Variants in PPL observed in about 807,000 individuals in gnomAD.
The protein encoded by PPL is periplakin.
PPL carries 198 observed loss-of-function variants against 194.4 expected under a neutral mutation model. The ratio of observed to expected loss-of-function variants is 1.02; its 90% CI spans 0.91 to 1.15. The LOEUF (loss-of-function observed/expected upper bound fraction) is 1.15, where lower values mean the gene tolerates loss of function less well. Ranked by LOEUF, PPL falls within the 50% of genes most tolerant of loss-of-function variation. The pLI, the probability that PPL is intolerant of heterozygous loss-of-function variation, is 0.00. For missense variants in PPL, 2,885 were observed against 2,294.8 expected (o/e 1.26, Z -5.25); for synonymous variants, 1,220 against 972.4 (o/e 1.25, Z -4.74).
chr16:4,929,879 G>A (rs910492120), intron 1 of PPL, among the ~76,000 whole-genome samples: 4 of 151,502 alleles, frequency 2.6e-5, no homozygotes, highest in African/African-American at 9.7e-5. Flanking sequence ...GTAGAAATAG[G>A]GTCTCACTAT....
chr16:4,900,196 A>G (rs1031489626), intron 6 of PPL, among the ~76,000 whole-genome samples: 2 of 152,200 alleles, frequency 1.3e-5, no homozygotes, highest in African/African-American at 2.4e-5. Context: ...AATTTTTAAA[A>G]GAATGCATTC....
rs547207792 is a variant in PPL, at chr16:4,893,234, G to A, written c.1629C>T (p.Ala543=). The change falls in exon 14 of 22, where the codon GCC becomes GCT. Residue 543 remains alanine, a synonymous_variant. Transcript: ENST00000345988. ...GTACCTTGAGGTCCTTGGCCCGCTC[G>A]GCACTGTCCTGCACAGCCCGGCCTT... ...LEQGRAVQDS[A]ERAKDLKNIT... 1.8e-5 allele frequency: 29 copies of A among 1,581,816 alleles called. No individual in the cohort carries two copies. The highest frequency in any genetic ancestry group is 1.6e-4 in the East Asian group (7 of 43,762).
Position 4,892,109 on chromosome 16 carries a change from C to T in PPL, c.1755G>A (p.Leu585=). 5 of 1,613,804 alleles carry T rather than the reference C, an allele frequency of 3.1e-6. No individual in the cohort carries two copies. The highest frequency in any genetic ancestry group is 4.2e-6 in the Non-Finnish European group (5 of 1,180,026). ...TGGTGTCCTCCACCCGGGTCCTCAG[C>T]AGGGGTGTGGTGCCACTGCCTGGGA... ...QALPGSGTTP[L]LRTRVEDTNR... is the part of the protein sequence containing the mutation. The change falls in exon 15 of 22, where the codon CTG becomes CTA. Residue 585 remains leucine, a synonymous_variant. Transcript: ENST00000345988.
Position 4,883,686 on chromosome 16 carries a change from A to C in PPL, c.4969T>G (p.Ser1657Ala). ...REQRENHLRR[S>A]IVVIHPDTGR... ...GTGTCAGGGTGGATGACTACGATGGAGCGCCGCAGGTGGTTCTCCCGCTGC... is the reference window on the plus strand; with the variant it reads ...GTGTCAGGGTGGATGACTACGATGGCGCGCCGCAGGTGGTTCTCCCGCTGC... The change falls in exon 22 of 22, where the codon TCC (serine) becomes GCC (alanine). Residue 1657 changes from serine to alanine, a missense_variant. By Grantham distance (99) the Ser-to-Ala change is moderately conservative (BLOSUM62 1). Coordinates refer to ENST00000345988, the MANE Select transcript of PPL (RefSeq NM_002705.5). The surrounding 1 kb of genome is among the most constrained non-coding windows in gnomAD (Gnocchi z 4.8). 6.2e-7 allele frequency: 1 copy of C among 1,613,964 alleles called. No homozygotes were observed. The highest frequency in any genetic ancestry group is 1.3e-5 in the African/African-American group (1 of 75,004).
In PPL at chr16:4,890,710, C is replaced by A. The variant is rs199649540; in HGVS notation, c.2162+18G>T. ...ATTCTCAGAAAACAAAAATGGCCACCACCCACCGCACCCTCACCTGCGTTC... is the reference window on the plus strand; with the variant it reads ...ATTCTCAGAAAACAAAAATGGCCACAACCCACCGCACCCTCACCTGCGTTC... On this transcript the variant is annotated intron_variant, in intron 17 of 21. Transcript: ENST00000345988. 8.2e-6 allele frequency: 13 copies of A among 1,586,990 alleles called. No homozygotes were observed. In the East Asian group the frequency reaches 2.9e-4, roughly 36 times the overall value.
chr16:4,927,290 G>A (rs943946482), intron 1 of PPL, among the ~76,000 whole-genome samples: 6 of 152,198 alleles, frequency 3.9e-5, no homozygotes, highest in Admixed American at 2.0e-4. Flanking sequence ...AAGAGAGAAA[G>A]CACTGTCCAT....
chr16:4,890,350 G>A lies in PPL; in HGVS notation c.2163-16C>T, dbSNP rs372408121. 3.0e-5 allele frequency: 48 copies of A among 1,595,178 alleles called. No individual in the cohort carries two copies. Among genetic ancestry groups the A allele is most frequent in the East Asian group, 2.9e-4 (13 of 44,632 alleles). ...GCTCTGCGCCCTGTCAAGGCAAAGCGTTCAGGCCTCAGCCACAGCAAACAG... is the reference window on the plus strand; with the variant it reads ...GCTCTGCGCCCTGTCAAGGCAAAGCATTCAGGCCTCAGCCACAGCAAACAG... On this transcript the variant is annotated splice_polypyrimidine_tract_variant and intron_variant, in intron 17 of 21. Coordinates refer to ENST00000345988, the MANE Select transcript of PPL (RefSeq NM_002705.5).
At chr16:4,918,839 T>C (rs1412445234) in intron 1 of PPL, among the ~76,000 whole-genome samples, 1 of 151,960 alleles carries the variant, frequency 6.6e-6, no homozygotes, top group East Asian at 1.9e-4. Context: ...AGCAGGAATG[T>C]GGGTGGGGCA....
chr16:4,884,987 C>T lies in PPL; in HGVS notation c.3668G>A (p.Gly1223Asp), dbSNP rs1196188716. Residue 1223 changes from glycine to aspartate, a missense_variant, in exon 22 of 22, where the codon GGC becomes GAC. Physicochemically the swap from Gly to Asp is moderately conservative, Grantham distance 94 (BLOSUM62 -1). Coordinates refer to ENST00000345988, the MANE Select transcript of PPL (RefSeq NM_002705.5). The surrounding 1 kb of genome is among the most constrained non-coding windows in gnomAD (Gnocchi z 5.7). ...CACCTCTTTGACTTCCACCTGGGGG[C>T]CTCGCCTCCTGAGGGCCTCCAGCTC... is the stretch of plus-strand genomic sequence containing the variant. Reference protein sequence around the residue: ...QSELEALRRRGPQVEVKEVTK... With the variant: ...QSELEALRRRDPQVEVKEVTK... 3.7e-6 allele frequency: 6 copies of T among 1,613,948 alleles called. No individual in the cohort carries two copies. Among genetic ancestry groups the T allele is most frequent in the Non-Finnish European group, 4.2e-6 (5 of 1,180,042 alleles).
chr16:4,920,371 G>GGAAAGAAAGAAAGAAA (rs1555523899), intron 1 of PPL, among the ~76,000 whole-genome samples: 3 of 94,232 alleles, frequency 3.2e-5, no homozygotes, highest in Non-Finnish European at 4.8e-5. Flanking sequence ...AAGAAAGAAA[G>GGAAAGAAAGAAAGAAA]GACACCTCGG....
intron 1 of PPL, among the ~76,000 whole-genome samples, chr16:4,912,434 G>C (rs1444079398): frequency 6.6e-6 from 1 of 152,212 alleles, no homozygotes; most frequent in Non-Finnish European, 1.5e-5. Context: ...TTCACATTTT[G>C]CTTATTCATT....
chr16:4,922,866 C>T (rs1386183042), intron 1 of PPL, among the ~76,000 whole-genome samples: 1 of 152,150 alleles, frequency 6.6e-6, no homozygotes, highest in African/African-American at 2.4e-5. Context: ...TCACAACTAA[C>T]CTCAGAATTT....
intron 1 of PPL, 28 bp downstream of exon 1, chr16:4,936,956 C>T (rs761831855): frequency 2.5e-6 from 4 of 1,578,698 alleles, no homozygotes; most frequent in Non-Finnish European, 3.4e-6. Context: ...AAGAGCGTCC[C>T]GGAGCGGAGC....
intron 18 of PPL, among the ~76,000 whole-genome samples, chr16:4,889,548 C>T (rs578025265): frequency 9.9e-5 from 15 of 152,092 alleles, no homozygotes; most frequent in African/African-American, 3.6e-4. Context: ...TGAGCCACCG[C>T]GCCCAGCCAC....
intron 1 of PPL, among the ~76,000 whole-genome samples, chr16:4,929,787 G>A (rs1006499343): frequency 6.6e-6 from 1 of 152,032 alleles, no homozygotes; most frequent in African/African-American, 2.4e-5. Flanking sequence ...CCTGGACTCA[G>A]GGATCCTCCC....
intron 1 of PPL, among the ~76,000 whole-genome samples, chr16:4,920,337 G>GAA (rs1568048775): frequency 1.8e-3 from 25 of 14,004 alleles, no homozygotes; most frequent in Non-Finnish European, 0.012. Context: ...GAAAGAAAGA[G>GAA]AGAGAGAGAG....
At chr16:4,903,213 C>G (rs2088612495) in intron 3 of PPL, among the ~76,000 whole-genome samples, 1 of 151,800 alleles carries the variant, frequency 6.6e-6, no homozygotes, top group South Asian at 2.1e-4. Flanking sequence ...GGGCATGGGA[C>G]AAGGCAGGAG....
In PPL at chr16:4,889,369, C is replaced by T. The variant is rs181466197; in HGVS notation, c.2314-308G>A. 4.6e-5 allele frequency among the ~76,000 whole-genome samples: 7 copies of T among 150,710 alleles called. No individual in the cohort carries two copies. In the East Asian group the frequency reaches 1.4e-3, roughly 30 times the overall value. On this transcript the variant is annotated intron_variant, in intron 18 of 21. Coordinates refer to ENST00000345988, the MANE Select transcript of PPL (RefSeq NM_002705.5). ...TCCTGGGTTCAAGCAATTCTCCTGC[C>T]TCAGCCTCCCAAGTAGCTGGGACTA...
At chr16:4,899,524 T>TATGGG in intron 6 of PPL, 140 bp from the exon 7 acceptor site, 856 of 884,630 alleles carry the variant, frequency 9.7e-4, no homozygotes, top group Non-Finnish European at 1.2e-3. Flanking sequence ...CAAGCCCAGC[T>TATGGG]TAGCCACGTC....
Sources: allele counts gnomAD v4.1 joint callset (sites outside exome capture counted in the v4.1 genomes callset), GRCh38; gene constraint gnomAD v4.1.1; non-coding constraint Gnocchi (gnomAD v3.1); transcripts MANE v1.5; gene names NCBI Gene and HGNC (gene_info 2026-07-23, HGNC 2026-07-21).